The following YEATS4 variants were observed in gnomAD, a reference collection of about 807,000 sequenced individuals.
YEATS4 encodes YEATS domain containing 4.
Under a neutral mutation model 30.1 loss-of-function variants are expected in YEATS4, and 17 were observed. That is an observed-to-expected ratio of 0.56 (90% CI 0.39 to 0.85). The LOEUF (loss-of-function observed/expected upper bound fraction) is 0.85. Ranked by LOEUF, YEATS4 falls within the 40% of genes least tolerant of loss-of-function variation. The pLI is 0.00. For synonymous variants in YEATS4, 85 were observed against 87.5 expected (o/e 0.97, Z 0.16); for missense variants, 142 against 268.3 (o/e 0.53, Z 3.29).
chr12:69,419,099 G>T, the YEATS4 span, among the ~76,000 whole-genome samples: 2 of 147,546 alleles, frequency 1.4e-5, no homozygotes, highest in African/African-American at 2.5e-5. Context: ...TCTTCCTTTA[G>T]TGCCCAATCC....
rs777846762 is a variant in YEATS4, at chr12:69,370,993, A to G, written c.514+18A>G. 6.3e-5 allele frequency: 100 copies of G among 1,595,978 alleles called. 1 individual carries two copies. The South Asian group carries it at 1.0e-3, about 17-fold the overall frequency. ...AACAGAATGTAAGTGCCATGCATTCATAATTCTGAAAAATAACGTATTCTG... is the reference window on the plus strand; with the variant it reads ...AACAGAATGTAAGTGCCATGCATTCGTAATTCTGAAAAATAACGTATTCTG... On this transcript the variant is annotated intron_variant, in intron 6 of 6. Transcript: ENST00000247843.
chr12:69,362,052 C>G (rs1439914585), intron 1 of YEATS4, among the ~76,000 whole-genome samples: 1 of 123,888 alleles, frequency 8.1e-6, no homozygotes, highest in African/African-American at 3.2e-5. Context: ...GAGGCTCGCT[C>G]TGTTGCCCAG....
chr12:69,390,094 A>C (rs1296486988), intron 6 of YEATS4, 53 bp from the exon 7 acceptor site: 1 of 1,421,992 alleles, frequency 7.0e-7, no homozygotes, highest in African/African-American at 1.5e-5. Context: ...ACCCTGTCAT[A>C]TATCTTAAAC....
intron 6 of YEATS4, among the ~76,000 whole-genome samples, chr12:69,374,182 T>G (rs1416107814): frequency 6.6e-6 from 1 of 152,054 alleles, no homozygotes; most frequent in Non-Finnish European, 1.5e-5. Context: ...ATTTGTATTT[T>G]GATAGGGATT....
the YEATS4 span, among the ~76,000 whole-genome samples, chr12:69,410,303 T>C: frequency 1.3e-5 from 2 of 152,218 alleles, no homozygotes; most frequent in African/African-American, 4.8e-5. Context: ...TGTACCTCAA[T>C]AGATTTGCCT....
chr12:69,423,142 T>C, the YEATS4 span: 2 of 151,510 alleles, frequency 1.3e-5, no homozygotes, highest in African/African-American at 4.9e-5. Flanking sequence ...GGGTGAGGAG[T>C]GTCTGAAATG....
the YEATS4 span, among the ~76,000 whole-genome samples, chr12:69,412,693 C>T: frequency 3.1e-3 from 479 of 152,078 alleles, 2 homozygotes; most frequent in African/African-American, 9.5e-3. Context: ...AAAATAAAGG[C>T]GAGGAAAGTC....
At chr12:69,397,542 G>A in the YEATS4 span, among the ~76,000 whole-genome samples, 4 of 152,102 alleles carry the variant, frequency 2.6e-5, no homozygotes, top group African/African-American at 7.2e-5. Context: ...CCCTGCACAC[G>A]CTCTCTTGCC....
chr12:69,372,604 G>A lies in YEATS4; in HGVS notation c.514+1629G>A, dbSNP rs552640272. 8.2e-5 allele frequency among the ~76,000 whole-genome samples: 12 copies of A among 146,270 alleles called. No individual in the cohort carries two copies. The South Asian group carries it at 1.3e-3, about 16-fold the overall frequency. On this transcript the variant is annotated intron_variant, in intron 6 of 6. Transcript: ENST00000247843. ...GGCTGGAGGGCAGTGGCATGATCTC[G>A]GCTCACTGCAACCTCTGTCTCCCAG...
At chr12:69,419,767 G>A in the YEATS4 span, among the ~76,000 whole-genome samples, 1 of 152,300 alleles carries the variant, frequency 6.6e-6, no homozygotes. Context: ...AAAGACCTGG[G>A]CATAAATACA....
At chr12:69,425,821 C>G in the YEATS4 span, among the ~76,000 whole-genome samples, 1 of 152,202 alleles carries the variant, frequency 6.6e-6, no homozygotes, top group Non-Finnish European at 1.5e-5. Flanking sequence ...ACCAAGCAAC[C>G]CACTGTGTGA....
chr12:69,424,398 C>T, the YEATS4 span, among the ~76,000 whole-genome samples: 1 of 152,138 alleles, frequency 6.6e-6, no homozygotes, highest in African/African-American at 2.4e-5. Flanking sequence ...AGTCTTTATC[C>T]TTCCCTTCCA....
At chr12:69,372,993 C>G (rs1342357160) in intron 6 of YEATS4, among the ~76,000 whole-genome samples, 1 of 152,058 alleles carries the variant, frequency 6.6e-6, no homozygotes, top group Non-Finnish European at 1.5e-5. Context: ...CTGAATAGTA[C>G]TCTCTTGTGT....
intron 4 of YEATS4, among the ~76,000 whole-genome samples, chr12:69,368,736 C>G (rs1380127557): frequency 6.6e-6 from 1 of 152,144 alleles, no homozygotes; most frequent in Non-Finnish European, 1.5e-5. Context: ...TCTTCCAGCC[C>G]CAGATGTTCC....
At chr12:69,383,868 G>A (rs1283434838) in intron 6 of YEATS4, among the ~76,000 whole-genome samples, 2 of 152,152 alleles carry the variant, frequency 1.3e-5, no homozygotes, top group Non-Finnish European at 2.9e-5. Context: ...AGCAAGATAC[G>A]GGGTCAAGAG....
downstream of YEATS4, among the ~76,000 whole-genome samples, chr12:69,394,277 A>T (rs1464202818): frequency 6.6e-6 from 1 of 152,210 alleles, no homozygotes. Flanking sequence ...ACCCTTCTAA[A>T]TGGAGACAAA....
chr12:69,417,153 AATTT>A, the YEATS4 span, among the ~76,000 whole-genome samples: 5 of 136,438 alleles, frequency 3.7e-5, 1 homozygote, highest in Admixed American at 1.5e-4. Context: ...ATTTTTTAAA[AATTT>A]TTTTTTTTTT....
chr12:69,385,355 A>T (rs941470883), intron 6 of YEATS4, among the ~76,000 whole-genome samples: 5 of 152,174 alleles, frequency 3.3e-5, no homozygotes, highest in Non-Finnish European at 5.9e-5. Flanking sequence ...TAGGAAAGCT[A>T]TCTGGGAATA....
downstream of YEATS4, among the ~76,000 whole-genome samples, chr12:69,395,725 T>TGACA (rs1390052842): frequency 6.6e-6 from 1 of 152,230 alleles, no homozygotes; most frequent in African/African-American, 2.4e-5. Context: ...AAGTATCATG[T>TGACA]GACAGTTCAA....
Sources: gnomAD v4.1 joint callset for allele counts (sites outside exome capture counted in the v4.1 genomes callset) on GRCh38, gnomAD v4.1.1 for gene constraint, MANE v1.5 for transcripts, NCBI Gene and HGNC (gene_info 2026-07-23, HGNC 2026-07-21) for gene names.